The following TXLNB variants were observed in gnomAD, a reference collection of about 807,000 sequenced individuals.
The protein encoded by TXLNB is beta-taxilin.
In TXLNB, 37 loss-of-function variants were observed where a neutral mutation model predicts 57.4. The ratio of observed to expected loss-of-function variants is 0.64; its 90% CI spans 0.50 to 0.85. The LOEUF (loss-of-function observed/expected upper bound fraction) is 0.85, where lower values mean the gene tolerates loss of function less well. Among genes scored for constraint, TXLNB ranks in the 40% least tolerant of loss-of-function variants. The pLI is 0.00. For synonymous variants in TXLNB, 302 were observed against 309.6 expected (o/e 0.98, Z 0.26); for missense variants, 848 against 825.6 (o/e 1.03, Z -0.33).
chr6:139,283,665 T>G (rs1777108453), intron 2 of TXLNB, among the ~76,000 whole-genome samples: 1 of 145,446 alleles, frequency 6.9e-6, no homozygotes, highest in Admixed American at 6.8e-5. Context: ...CTATTTTAGA[T>G]CTTCATTGTG....
chr6:139,177,254 C>G, the TXLNB span: 4 of 553,434 alleles, frequency 7.2e-6, no homozygotes, highest in Non-Finnish European at 1.3e-5. The surrounding 1 kb of genome is among the most constrained non-coding windows in gnomAD (Gnocchi z 4.9). Context: ...TAGGGGCTGC[C>G]CTTGCCCTGT....
chr6:139,220,802 G>C, the TXLNB span, among the ~76,000 whole-genome samples: 59 of 152,260 alleles, frequency 3.9e-4, no homozygotes, highest in Admixed American at 2.7e-3. Flanking sequence ...TAACAAACCT[G>C]GTCCTCCATA....
intron 7 of TXLNB, chr6:139,255,351 G>A: frequency 1.7e-6 from 1 of 596,442 alleles, no homozygotes; most frequent in Non-Finnish European, 3.2e-6. Context: ...ACTGGATGTT[G>A]CCGGCGCAGA....
chr6:139,196,363 TGG>T, the TXLNB span, among the ~76,000 whole-genome samples: 6 of 53,896 alleles, frequency 1.1e-4, no homozygotes, highest in South Asian at 5.3e-4. Flanking sequence ...TCTCCAGATC[TGG>T]TTTTTTTTTT....
the TXLNB span, among the ~76,000 whole-genome samples, chr6:139,218,761 G>T: frequency 2.6e-5 from 4 of 151,880 alleles, no homozygotes; most frequent in Admixed American, 2.0e-4. Flanking sequence ...AAAAAAAAAA[G>T]ATTCCATAAT....
the TXLNB span, among the ~76,000 whole-genome samples, chr6:139,181,817 T>C: frequency 6.6e-6 from 1 of 152,222 alleles, no homozygotes; most frequent in African/African-American, 2.4e-5. Context: ...CCTTATGCTT[T>C]ATAAATGGTA....
chr6:139,323,282 GTTTTTTT>G, the TXLNB span, among the ~76,000 whole-genome samples: 3 of 134,494 alleles, frequency 2.2e-5, no homozygotes, highest in Non-Finnish European at 3.2e-5. Context: ...AATTTGTTTA[GTTTTTTT>G]TTTTTTTTTT....
At chr6:139,224,558 A>C in the TXLNB span, among the ~76,000 whole-genome samples, 1 of 152,084 alleles carries the variant, frequency 6.6e-6, no homozygotes, top group Non-Finnish European at 1.5e-5. Flanking sequence ...AATTACTATC[A>C]GGAGTGGAAA....
chr6:139,219,085 T>C, the TXLNB span, among the ~76,000 whole-genome samples: 4 of 152,226 alleles, frequency 2.6e-5, no homozygotes, highest in African/African-American at 4.8e-5. Context: ...TCACTAATTG[T>C]ATTCAATGTT....
chr6:139,195,130 T>C, the TXLNB span, among the ~76,000 whole-genome samples: 2 of 152,178 alleles, frequency 1.3e-5, no homozygotes, highest in African/African-American at 4.8e-5. Context: ...AGGCCATCTA[T>C]GTTTCTTAGT....
intron 3 of TXLNB, among the ~76,000 whole-genome samples, chr6:139,275,845 T>G (rs1163147218): frequency 2.0e-5 from 3 of 152,142 alleles, no homozygotes; most frequent in African/African-American, 4.8e-5. Flanking sequence ...CCCATGCAAG[T>G]GAGATGTCCT....
rs558984677 is a variant in TXLNB at position 139,275,591 on chromosome 6, C to T, written c.516+1239G>A. Among the ~76,000 whole-genome samples the T allele has an allele frequency of 6.6e-5, 10 of 152,276 alleles. No homozygotes were observed. The East Asian group carries it at 9.7e-4, about 15-fold the overall frequency. On this transcript the variant is annotated intron_variant, in intron 3 of 9. Transcript: ENST00000358430. The stretch of plus-strand genomic sequence containing the variant: ...GCAGGGTTAAGCAAACAGCCAGTCA[C>T]GCAGAGTTTCAGAATTTTTCTGGAT...
At chr6:139,317,166 A>G in the TXLNB span, among the ~76,000 whole-genome samples, 1 of 152,178 alleles carries the variant, frequency 6.6e-6, no homozygotes, top group Admixed American at 6.5e-5. Flanking sequence ...AGGACCTCTT[A>G]TATTTTAGTT....
intron 4 of TXLNB, among the ~76,000 whole-genome samples, chr6:139,266,211 A>G (rs1002571995): frequency 6.6e-6 from 1 of 152,216 alleles, no homozygotes; most frequent in Non-Finnish European, 1.5e-5. Flanking sequence ...ACATATGAAG[A>G]ACCAAGAAAA....
At chr6:139,303,839 A>G in the TXLNB span, among the ~76,000 whole-genome samples, 5 of 151,282 alleles carry the variant, frequency 3.3e-5, no homozygotes, top group Non-Finnish European at 7.4e-5. Context: ...TGTTGCAGCC[A>G]ATCATCCAGT....
At chr6:139,167,415 C>T in the TXLNB span, 1 of 1,116,432 alleles carries the variant, frequency 9.0e-7, no homozygotes, top group Non-Finnish European at 1.3e-6. Flanking sequence ...GTAGTTTTCA[C>T]CAGTGTTGTT....
At chr6:139,281,678 A>C (rs1440165131) in intron 2 of TXLNB, among the ~76,000 whole-genome samples, 2 of 107,106 alleles carry the variant, frequency 1.9e-5, no homozygotes, top group Admixed American at 8.6e-5. Flanking sequence ...CCTCCCGAGT[A>C]GCTGGGACTA....
chr6:139,224,810 C>G, the TXLNB span, among the ~76,000 whole-genome samples: 4 of 151,932 alleles, frequency 2.6e-5, no homozygotes, highest in African/African-American at 9.7e-5. Flanking sequence ...AAAAAGAACA[C>G]TAATCATACA....
the TXLNB span, among the ~76,000 whole-genome samples, chr6:139,309,743 G>A: frequency 1.3e-5 from 2 of 152,114 alleles, no homozygotes; most frequent in Non-Finnish European, 2.9e-5. Flanking sequence ...TGGCAACATA[G>A]TGAGACTCTG....
Sources: gnomAD v4.1 joint callset for allele counts (sites outside exome capture counted in the v4.1 genomes callset) on GRCh38, gnomAD v4.1.1 for gene constraint, Gnocchi (gnomAD v3.1) non-coding constraint, MANE v1.5 for transcripts, NCBI Gene and HGNC (gene_info 2026-07-23, HGNC 2026-07-21) for gene names.